Variants in ANAPC2 observed in about 807,000 individuals in gnomAD.
ANAPC2 encodes the protein anaphase-promoting complex subunit 2.
ANAPC2 carries 29 observed loss-of-function variants against 84.3 expected under a neutral mutation model. That is an observed-to-expected ratio of 0.34 (90% CI 0.26 to 0.47). The LOEUF (loss-of-function observed/expected upper bound fraction) is 0.47, where lower values mean the gene tolerates loss of function less well. Ranked by LOEUF, ANAPC2 falls within the 20% of genes least tolerant of loss-of-function variation. ANAPC2 has a pLI of 1.00. For synonymous variants in ANAPC2, 571 were observed against 479.4 expected, an observed-to-expected ratio of 1.19 and a Z score of -2.50; for missense variants, 857 against 1,131.7, an observed-to-expected ratio of 0.76 and a Z score of 3.48.
rs936264431 is a variant in ANAPC2, at chr9:137,183,564, A to G, written c.1168+108T>C. 21 of 1,463,420 alleles carry G rather than the reference A, an allele frequency of 1.4e-5. No homozygotes were observed. The African/African-American group carries it at 3.0e-4, about 21-fold the overall frequency. 90.7% of individuals were successfully genotyped at this position (1,463,420 alleles called of 1,614,324 possible). A position where few individuals can be genotyped will look rare whatever the true frequency, so the allele number is the denominator to read the frequency against. ...TTGCTTCTCAACCCATTTCTTCCTT[A>G]GACCTACAAGTCCAGGGCTGGCAGA... On this transcript the variant is annotated intron_variant, in intron 5 of 12. Coordinates refer to ENST00000323927, the MANE Select transcript of ANAPC2 (RefSeq NM_013366.4).
At chr9:137,186,549 A>C in intron 2 of ANAPC2, 193 bp from the exon 3 acceptor site, 1 of 745,070 alleles carries the variant, frequency 1.3e-6, no homozygotes, top group Non-Finnish European at 2.1e-6. Context: ...AGCCACTGGG[A>C]GCACAGAGCA....
chr9:137,182,664 C>T (rs1179575457), intron 6 of ANAPC2, among the ~76,000 whole-genome samples: 2 of 152,192 alleles, frequency 1.3e-5, no homozygotes, highest in Non-Finnish European at 2.9e-5. Flanking sequence ...AGGGCCTCTG[C>T]GACCCCTGAG....
chr9:137,183,613 T>C (rs1052742777), intron 5 of ANAPC2, 59 bp downstream of exon 5: 24 of 1,567,020 alleles, frequency 1.5e-5, no homozygotes, highest in Non-Finnish European at 2.1e-5. Flanking sequence ...TCCCTGGACA[T>C]GGGTCCCCTG....
At position 137,175,434 on chromosome 9, in the gene ANAPC2, T is replaced by A; in HGVS notation, c.2059A>T (p.Met687Leu). 10 of 1,600,708 alleles carry A rather than the reference T, an allele frequency of 6.2e-6. No homozygotes were observed. The highest frequency in any genetic ancestry group is 1.3e-5 in the African/African-American group (1 of 74,778). Residue 687 changes from methionine to leucine, a missense_variant, in exon 12 of 13, where the codon ATG (methionine) becomes TTG (leucine). Met to Leu is a conservative substitution (Grantham distance 15, BLOSUM62 2). Coordinates refer to ENST00000323927, the MANE Select transcript of ANAPC2 (RefSeq NM_013366.4). Reference sequence around the variant, plus strand: ...CGCCGCCGCAGCAGCGCCACGGGCATCTTCACCGCCTTGCTCAGTTCCTCC... The same window carrying A: ...CGCCGCCGCAGCAGCGCCACGGGCAACTTCACCGCCTTGCTCAGTTCCTCC... ...TLEELSKAVK[M>L]PVALLRRRMS...
chr9:137,177,312 TG>T (rs879441976), intron 10 of ANAPC2, among the ~76,000 whole-genome samples: 42,870 of 152,044 alleles, frequency 0.28, 6,417 homozygotes, highest in African/African-American at 0.38. Context: ...TTGGACTCGC[TG>T]TCCTTTTTCC....
intron 3 of ANAPC2, among the ~76,000 whole-genome samples, chr9:137,185,440 C>G (rs1834443964): frequency 6.6e-6 from 1 of 152,214 alleles, no homozygotes; most frequent in Non-Finnish European, 1.5e-5. Flanking sequence ...CCCTTGAGAC[C>G]AGCCGGGGGG....
At chr9:137,181,576 A>C in intron 7 of ANAPC2, 105 bp downstream of exon 7, 1 of 1,270,054 alleles carries the variant, frequency 7.9e-7, no homozygotes, top group African/African-American at 1.5e-5. Flanking sequence ...GACACTAGCG[A>C]CACCTGACAC....
chr9:137,185,631 A>T (rs1338899640), intron 3 of ANAPC2, among the ~76,000 whole-genome samples: 1 of 152,144 alleles, frequency 6.6e-6, no homozygotes, highest in Admixed American at 6.5e-5. Context: ...CATCACAGCC[A>T]ATCTGCACCT....
At chr9:137,183,384 C>T in intron 5 of ANAPC2, 142 bp from the exon 6 acceptor site, 4 of 810,412 alleles carry the variant, frequency 4.9e-6, no homozygotes, top group Non-Finnish European at 8.1e-6. Context: ...CCCCCCATCC[C>T]CACCTCTACC....
chr9:137,188,099 G>A lies in ANAPC2; in HGVS notation c.122C>T (p.Ser41Phe), dbSNP rs752125052. 9.9e-6 allele frequency: 16 copies of A among 1,609,702 alleles called. No homozygotes were observed. The highest frequency in any genetic ancestry group is 1.3e-5 in the Non-Finnish European group (15 of 1,178,544). The change falls in exon 2 of 13, where the codon TCT (serine) becomes TTT (phenylalanine). Residue 41 changes from serine to phenylalanine, a missense_variant. This residue lies in a region of ANAPC2 where 428 missense variants were observed against 513.8 expected (regional missense o/e 0.83). Transcript: ENST00000323927. ...LVPPAALGLV[S>F]SRTSGAVPPK... ...CGGGACTGCACCGCTGGTCCGGGAAGACACCTGGGGTGCAGAAAACCGTGA... is the reference window on the plus strand; with the variant it reads ...CGGGACTGCACCGCTGGTCCGGGAAAACACCTGGGGTGCAGAAAACCGTGA...
rs772810027 is a variant in ANAPC2 at position 137,180,313 on chromosome 9, C to T, written c.1758G>A (p.Gln586=). Residue 586 remains glutamine, a synonymous_variant, in exon 10 of 13, where the codon CAG becomes CAA. Coordinates refer to ENST00000323927, the MANE Select transcript of ANAPC2 (RefSeq NM_013366.4). The stretch of plus-strand genomic sequence containing the variant: ...TGACAGCGTAGACCCCGAACGGTGG[C>T]TGCTCCTCTGCTGGCCGCTTCTCAT... ...EEDEKRPAEE[Q]PPFGVYAVIL... 2 of 1,613,272 alleles carry T rather than the reference C, an allele frequency of 1.2e-6. No individual in the cohort carries two copies. The highest frequency in any genetic ancestry group is 1.7e-6 in the Non-Finnish European group (2 of 1,180,030).
At chr9:137,188,350 C>A in intron 1 of ANAPC2, 66 bp downstream of exon 1, 2 of 1,513,272 alleles carry the variant, frequency 1.3e-6, no homozygotes, top group Non-Finnish European at 1.8e-6. Context: ...CCGAGGGTAG[C>A]GGCCCCAAAG....
chr9:137,175,763 C>T lies in ANAPC2; in HGVS notation c.1965G>A (p.Leu655=). 1 of 1,611,974 alleles carries T rather than the reference C, an allele frequency of 6.2e-7. No homozygotes were observed. ...TMDVELADRT[L]SVAVTPVQAV... ...CCTGTACTGGGGTGACCGCCACAGA[C>T]AGCGTGCGGTCGGCCAGCTCCACGT... Residue 655 remains leucine, a synonymous_variant, in exon 11 of 13, where the codon CTG becomes CTA. Coordinates refer to ENST00000323927, the MANE Select transcript of ANAPC2 (RefSeq NM_013366.4).
chr9:137,174,787 G>A lies in ANAPC2; in HGVS notation c.*155C>T. ...CAAAGCCACCAGGACAGAAAAGGATGATCTGACTTGCTTTAATCTGCACAC... is the reference window on the plus strand; with the variant it reads ...CAAAGCCACCAGGACAGAAAAGGATAATCTGACTTGCTTTAATCTGCACAC... On this transcript the variant is annotated 3_prime_UTR_variant, in exon 13 of 13. Coordinates refer to ENST00000323927, the MANE Select transcript of ANAPC2 (RefSeq NM_013366.4). The surrounding 1 kb of genome is among the most constrained non-coding windows in gnomAD (Gnocchi z 6.1). 1.5e-6 allele frequency: 2 copies of A among 1,356,252 alleles called. No individual in the cohort carries two copies. Among genetic ancestry groups the A allele is most frequent in the Admixed American group, 5.8e-5 (2 of 34,346 alleles). The allele number at this position is 1,356,252 out of a possible 1,614,324, so 84.0% of individuals were successfully genotyped here.
chr9:137,179,823 C>T (rs991765113), intron 10 of ANAPC2, among the ~76,000 whole-genome samples: 1 of 152,258 alleles, frequency 6.6e-6, no homozygotes, highest in Non-Finnish European at 1.5e-5. Flanking sequence ...CCCCAAGCCC[C>T]GGTTCTGAGA....
At chr9:137,186,099 C>G in intron 3 of ANAPC2, 125 bp downstream of exon 3, 1 of 1,383,538 alleles carries the variant, frequency 7.2e-7, no homozygotes, top group Admixed American at 2.1e-5. Flanking sequence ...ACAGCTCCAG[C>G]CACCACCCGG....
chr9:137,180,648 C>A, intron 8 of ANAPC2, 121 bp from the exon 9 acceptor site: 1 of 1,569,644 alleles, frequency 6.4e-7, no homozygotes, highest in South Asian at 1.1e-5. Flanking sequence ...ACCCCAATGG[C>A]TAGCACACCC....
rs1380430657 is a variant in ANAPC2 at position 137,180,914 on chromosome 9, T to C, written c.1484A>G (p.Lys495Arg). 2.5e-6 allele frequency: 4 copies of C among 1,613,354 alleles called. No homozygotes were observed. The East Asian group carries it at 6.7e-5, about 27-fold the overall frequency. The change falls in exon 8 of 13, where the codon AAG becomes AGG. Residue 495 changes from lysine (K) to arginine (R), a missense_variant. Physicochemically the swap from Lys to Arg is conservative, Grantham distance 26. This residue lies in a region of ANAPC2 where 425 missense variants were observed against 595.5 expected (regional missense o/e 0.71). Transcript: ENST00000323927. ...VDADPGKSSS[K>R]RRSSDIISLL... ...GCTGATGATGTCCGATGAACGCCGC[T>C]TGGAGCTCGACTTCCCTGGCATGGT... is the stretch of plus-strand genomic sequence containing the variant.
At chr9:137,181,215 T>C (rs1052408584) in intron 7 of ANAPC2, among the ~76,000 whole-genome samples, 1 of 152,148 alleles carries the variant, frequency 6.6e-6, no homozygotes, top group African/African-American at 2.4e-5. Flanking sequence ...AGACTAAAGA[T>C]GTGTTGAAGA....
Sources: gnomAD v4.1 joint callset for allele counts (sites outside exome capture counted in the v4.1 genomes callset) on GRCh38, gnomAD v4.1.1 for gene constraint, gnomAD v4.1.1 regional missense constraint, Gnocchi (gnomAD v3.1) non-coding constraint, MANE v1.5 for transcripts, NCBI Gene and HGNC (gene_info 2026-07-23, HGNC 2026-07-21) for gene names.